KBTBD12: variants seen among roughly 807,000 people sequenced by gnomAD.
KBTBD12 encodes the protein kelch repeat and BTB domain containing 12.
A neutral mutation model predicts 58.7 loss-of-function variants in KBTBD12; 53 were observed. That is an observed-to-expected ratio of 0.90 (90% CI 0.72 to 1.14). The LOEUF (loss-of-function observed/expected upper bound fraction) is 1.14. Ranked by LOEUF, KBTBD12 falls within the 50% of genes most tolerant of loss-of-function variation. The pLI is 0.00. For missense variants in KBTBD12, 704 were observed against 751.3 expected (o/e 0.94, Z 0.74); for synonymous variants, 236 against 259.8 (o/e 0.91, Z 0.88).
chr3:127,929,369 T>C (rs926154302), intron 3 of KBTBD12, among the ~76,000 whole-genome samples: 11 of 152,184 alleles, frequency 7.2e-5, no homozygotes, highest in Non-Finnish European at 1.2e-4. Context: ...TATTTCTTTG[T>C]TGAACACTTG....
intron 5 of KBTBD12, among the ~76,000 whole-genome samples, chr3:127,965,054 C>T (rs1940536518): frequency 6.6e-6 from 1 of 152,224 alleles, no homozygotes; most frequent in African/African-American, 2.4e-5. Flanking sequence ...AGCTTGCTTA[C>T]ATGAGCAACT....
intron 5 of KBTBD12, among the ~76,000 whole-genome samples, chr3:127,983,089 A>T (rs1029710983): frequency 1.3e-5 from 2 of 152,220 alleles, no homozygotes; most frequent in African/African-American, 4.8e-5. Context: ...TTGCTAAATC[A>T]TTCATATGGC....
At chr3:127,926,050 T>TC (rs1412631097) in intron 2 of KBTBD12, among the ~76,000 whole-genome samples, 2 of 152,216 alleles carry the variant, frequency 1.3e-5, no homozygotes, top group African/African-American at 4.8e-5. Context: ...GATGTACCTT[T>TC]CCATCTCCTT....
intron 5 of KBTBD12, chr3:127,963,587 G>A (rs1007347935): frequency 5.6e-6 from 3 of 540,032 alleles, no homozygotes; most frequent in Middle Eastern, 4.8e-4. Flanking sequence ...ATAGGCTGTC[G>A]TAAGAATTAA....
intron 5 of KBTBD12, chr3:127,963,634 A>T (rs796681943): frequency 3.9e-5 from 16 of 408,682 alleles, no homozygotes; most frequent in South Asian, 8.7e-5. Context: ...CCCTGAACAC[A>T]CCTGGTCTCA....
intron 1 of KBTBD12, among the ~76,000 whole-genome samples, chr3:127,920,937 T>G (rs1323571134): frequency 6.6e-6 from 1 of 151,962 alleles, no homozygotes; most frequent in African/African-American, 2.4e-5. Flanking sequence ...TTATACAGTT[T>G]TGTTTTGCTG....
At chr3:127,939,947 G>A (rs979846226) in intron 4 of KBTBD12, among the ~76,000 whole-genome samples, 1 of 152,088 alleles carries the variant, frequency 6.6e-6, no homozygotes, top group Admixed American at 6.5e-5. Context: ...TCAAAAGAAA[G>A]CTGGGGTGGC....
chr3:127,978,217 C>T (rs1337245417), intron 5 of KBTBD12, among the ~76,000 whole-genome samples: 1 of 152,142 alleles, frequency 6.6e-6, no homozygotes, highest in Non-Finnish European at 1.5e-5. Flanking sequence ...GACAGCTTCC[C>T]AACATCTCTT....
At chr3:127,945,568 A>G (rs1940062456) in intron 4 of KBTBD12, among the ~76,000 whole-genome samples, 2 of 151,324 alleles carry the variant, frequency 1.3e-5, no homozygotes, top group South Asian at 4.2e-4. Context: ...ATCTTTTCAT[A>G]TGCTTGTTGG....
At chr3:127,945,858 C>T (rs189921844) in intron 4 of KBTBD12, among the ~76,000 whole-genome samples, 183 of 151,606 alleles carry the variant, frequency 1.2e-3, no homozygotes, top group African/African-American at 4.0e-3. Flanking sequence ...TTTGTATTTT[C>T]GGTAGAGATG....
At chr3:127,922,526 A>G (rs1939437743) in intron 1 of KBTBD12, among the ~76,000 whole-genome samples, 1 of 152,176 alleles carries the variant, frequency 6.6e-6, no homozygotes, top group African/African-American at 2.4e-5. Flanking sequence ...CTATTATAAC[A>G]GTTCGGTGTA....
chr3:127,928,026 A>G lies in KBTBD12; in HGVS notation c.1333A>G (p.Thr445Ala). The change falls in exon 3 of 6, where the codon ACC becomes GCC. Residue 445 changes from threonine to alanine, a missense_variant. Coordinates refer to ENST00000405109, the MANE Select transcript of KBTBD12 (RefSeq NM_207335.4). ...NNKLYVIGGW[T>A]PQMDLPDEEP... ...TAAACTTTATGTAATTGGAGGCTGGACCCCTCAGGTTAAGAAATTTCCTGT... is the reference window on the plus strand; with the variant it reads ...TAAACTTTATGTAATTGGAGGCTGGGCCCCTCAGGTTAAGAAATTTCCTGT... The G allele has an allele frequency of 6.2e-7, 1 of 1,613,234 alleles. No individual in the cohort carries two copies. Among genetic ancestry groups the G allele is most frequent in the Non-Finnish European group, 8.5e-7 (1 of 1,179,498 alleles).
chr3:127,976,966 T>G (rs1940794918), intron 5 of KBTBD12, among the ~76,000 whole-genome samples: 1 of 152,182 alleles, frequency 6.6e-6, no homozygotes, highest in Non-Finnish European at 1.5e-5. Context: ...TCCAGTTTCT[T>G]GATCCTCATC....
intron 1 of KBTBD12, among the ~76,000 whole-genome samples, chr3:127,916,416 TG>T (rs1450385696): frequency 2.6e-5 from 4 of 152,080 alleles, no homozygotes; most frequent in African/African-American, 4.8e-5. Context: ...TCGTATAAAC[TG>T]GGGGTCACAA....
At chr3:127,941,369 T>C (rs953600223) in intron 4 of KBTBD12, among the ~76,000 whole-genome samples, 1 of 152,152 alleles carries the variant, frequency 6.6e-6, no homozygotes, top group Non-Finnish European at 1.5e-5. Flanking sequence ...ATTAGTTCAA[T>C]ATTCAGAAAT....
At chr3:127,962,791 G>A (rs1442883030) in intron 4 of KBTBD12, among the ~76,000 whole-genome samples, 1 of 152,182 alleles carries the variant, frequency 6.6e-6, no homozygotes, top group Non-Finnish European at 1.5e-5. Flanking sequence ...CACATTCCTA[G>A]CTAGCCACAT....
At position 127,930,953 on chromosome 3, in the gene KBTBD12, A is replaced by T. The variant is rs1576374345; in HGVS notation, c.1492+670A>T. ...TGTTAAGTCCTTAGCTCTTTTAAGT[A>T]CATTCCATCTGCCTAACATTATTCT... is the stretch of plus-strand genomic sequence containing the variant. On this transcript the variant is annotated intron_variant, in intron 4 of 5. Transcript: ENST00000405109. 2.0e-5 allele frequency among the ~76,000 whole-genome samples: 3 copies of T among 152,220 alleles called. No homozygotes were observed. The South Asian group carries it at 6.2e-4, about 32-fold the overall frequency.
chr3:127,978,814 A>G (rs748074413), intron 5 of KBTBD12, among the ~76,000 whole-genome samples: 9 of 152,350 alleles, frequency 5.9e-5, no homozygotes, highest in Middle Eastern at 3.4e-3. Context: ...GTTCATGGAA[A>G]GTGTGCATCA....
chr3:127,951,462 G>A (rs192242476), intron 4 of KBTBD12, among the ~76,000 whole-genome samples: 55 of 152,320 alleles, frequency 3.6e-4, no homozygotes, highest in Non-Finnish European at 4.9e-4. Flanking sequence ...GGACTCAGTG[G>A]AGTGAGTCAG....
Sources: gnomAD v4.1 joint callset for allele counts (sites outside exome capture counted in the v4.1 genomes callset) on GRCh38, gnomAD v4.1.1 for gene constraint, MANE v1.5 for transcripts, NCBI Gene and HGNC (gene_info 2026-07-23, HGNC 2026-07-21) for gene names.